Variants in AP3B1 observed in about 807,000 individuals in gnomAD.
AP3B1 encodes adaptor related protein complex 3 subunit beta 1.
Under a neutral mutation model 132.5 loss-of-function variants are expected in AP3B1, and 61 were observed. The ratio of observed to expected loss-of-function variants is 0.46; its 90% confidence interval spans 0.37 to 0.57. The LOEUF is 0.57. AP3B1 is among the 20% of genes least tolerant of loss of function. The pLI, the probability that AP3B1 is intolerant of heterozygous loss-of-function variation, is 0.00. For missense variants in AP3B1, 1,120 were observed against 1,289.4 expected (o/e 0.87, Z 2.01); for synonymous variants, 388 against 438.3 (o/e 0.89, Z 1.43).
intron 3 of AP3B1, among the ~76,000 whole-genome samples, chr5:78,240,391 C>T (rs755558443): frequency 1.7e-4 from 26 of 152,058 alleles, no homozygotes; most frequent in Non-Finnish European, 3.2e-4. Flanking sequence ...CGTGTTCATT[C>T]AATAAATCCA....
intron 21 of AP3B1, among the ~76,000 whole-genome samples, chr5:78,097,568 C>T (rs1580343439): frequency 7.7e-6 from 1 of 129,052 alleles, no homozygotes; most frequent in Non-Finnish European, 1.7e-5. Context: ...AGGGGGTCAG[C>T]CCCCCGCCCG....
chr5:78,228,297 G>A (rs1746485900), intron 3 of AP3B1, 58 bp from the exon 4 acceptor site: 1 of 1,210,674 alleles, frequency 8.3e-7, no homozygotes, highest in Non-Finnish European at 1.2e-6. Context: ...CTCAGTATTT[G>A]CTATACCAAA....
intron 7 of AP3B1, among the ~76,000 whole-genome samples, chr5:78,200,527 T>C (rs1036523506): frequency 6.6e-6 from 1 of 151,984 alleles, no homozygotes; most frequent in African/African-American, 2.4e-5. Flanking sequence ...GGCATGGCAG[T>C]GTGTGCCTGT....
In AP3B1 at chr5:78,064,390, T is replaced by C. The variant is rs544335930; in HGVS notation, c.2577+25003A>G. On this transcript the variant is annotated intron_variant, in intron 22 of 26. Coordinates refer to ENST00000255194, the MANE Select transcript of AP3B1 (RefSeq NM_003664.5). Reference sequence around the variant, plus strand: ...TCTAATCTTGTATTATAAAGGCAGCTGCTTGCCTATCATTTGTACTTTCCT... The same window carrying C: ...TCTAATCTTGTATTATAAAGGCAGCCGCTTGCCTATCATTTGTACTTTCCT... Among the ~76,000 whole-genome samples, 13 of 152,328 alleles carry C rather than the reference T, an allele frequency of 8.5e-5. No homozygotes were observed. The South Asian group carries it at 2.7e-3, about 32-fold the overall frequency.
intron 2 of AP3B1, among the ~76,000 whole-genome samples, chr5:78,245,175 A>G (rs1009331955): frequency 6.6e-6 from 1 of 152,176 alleles, no homozygotes; most frequent in Non-Finnish European, 1.5e-5. Flanking sequence ...TGGTCTCCAC[A>G]CTATTTATTG....
At chr5:78,052,857 GATATGTTATACT>G (rs1429404583) in intron 22 of AP3B1, among the ~76,000 whole-genome samples, 2 of 152,090 alleles carry the variant, frequency 1.3e-5, no homozygotes, top group Non-Finnish European at 2.9e-5. Context: ...CATGAATACT[GATATGTTATACT>G]ATTCATACAT....
intron 7 of AP3B1, among the ~76,000 whole-genome samples, chr5:78,185,410 C>A (rs769662112): frequency 6.6e-6 from 1 of 151,900 alleles, no homozygotes; most frequent in Non-Finnish European, 1.5e-5. Context: ...AAAGGACATA[C>A]CTAAGAAAAC....
At chr5:78,193,284 T>G (rs1476038759) in intron 7 of AP3B1, among the ~76,000 whole-genome samples, 1 of 152,204 alleles carries the variant, frequency 6.6e-6, no homozygotes, top group African/African-American at 2.4e-5. Flanking sequence ...AATCAAAGTT[T>G]ATATCTGAGA....
At chr5:78,036,205 C>T (rs1747800952) in intron 23 of AP3B1, among the ~76,000 whole-genome samples, 1 of 152,138 alleles carries the variant, frequency 6.6e-6, no homozygotes, top group Non-Finnish European at 1.5e-5. Flanking sequence ...TTCTGGGGGA[C>T]AGTCCATGAT....
intron 1 of AP3B1, among the ~76,000 whole-genome samples, chr5:78,276,294 T>G (rs1016446745): frequency 6.6e-6 from 1 of 151,984 alleles, no homozygotes; most frequent in African/African-American, 2.4e-5. Context: ...TCTTGAACTT[T>G]TGAACTCAAG....
intron 11 of AP3B1, among the ~76,000 whole-genome samples, chr5:78,173,129 T>C (rs1743993995): frequency 6.6e-6 from 1 of 152,238 alleles, no homozygotes; most frequent in Admixed American, 6.5e-5. Context: ...TGAGAGTTTG[T>C]TGTGATTTCT....
intron 17 of AP3B1, among the ~76,000 whole-genome samples, chr5:78,123,145 T>C (rs990192682): frequency 6.6e-6 from 1 of 152,246 alleles, no homozygotes. Context: ...GCTAGCCAGA[T>C]GTAGAAAGCT....
intron 22 of AP3B1, among the ~76,000 whole-genome samples, chr5:78,053,347 T>C (rs757944920): frequency 4.3e-4 from 66 of 152,154 alleles, no homozygotes; most frequent in Non-Finnish European, 8.8e-4. Flanking sequence ...CAGCATTATA[T>C]ATTTATTGAA....
chr5:78,183,434 G>A (rs141874975), intron 7 of AP3B1, among the ~76,000 whole-genome samples: 65 of 152,216 alleles, frequency 4.3e-4, no homozygotes, highest in Non-Finnish European at 7.8e-4. Flanking sequence ...AATAAAAATA[G>A]ATAACTAGCA....
intron 1 of AP3B1, among the ~76,000 whole-genome samples, chr5:78,275,599 C>T (rs1170727841): frequency 2.0e-5 from 3 of 152,118 alleles, no homozygotes; most frequent in African/African-American, 7.2e-5. Context: ...CCTCAGCCTC[C>T]CAAGTAGCTG....
chr5:78,193,770 A>ATATATATATATTTTTT, intron 7 of AP3B1, among the ~76,000 whole-genome samples: 10 of 67,206 alleles, frequency 1.5e-4, no homozygotes, highest in African/African-American at 3.6e-4. Flanking sequence ...ATATATATAT[A>ATATATATATATTTTTT]TTTTTTTTTT....
chr5:78,160,233 T>A (rs771024949), intron 13 of AP3B1, among the ~76,000 whole-genome samples: 3 of 152,190 alleles, frequency 2.0e-5, no homozygotes, highest in Non-Finnish European at 4.4e-5. Context: ...CTCAACTGAT[T>A]TAAGTCTTCA....
intron 3 of AP3B1, among the ~76,000 whole-genome samples, chr5:78,239,423 A>T (rs1747019004): frequency 6.7e-6 from 1 of 149,614 alleles, no homozygotes; most frequent in Admixed American, 6.7e-5. Context: ...GTAAGCCACG[A>T]TCATGCCACT....
At chr5:78,240,805 AGTGTACG>A in intron 3 of AP3B1, 50 bp downstream of exon 3, 1 of 1,193,312 alleles carries the variant, frequency 8.4e-7, no homozygotes, top group Non-Finnish European at 1.3e-6. Flanking sequence ...CTACATAAAA[AGTGTACG>A]GTCCCATGAA....
Sources: allele counts gnomAD v4.1 joint callset (sites outside exome capture counted in the v4.1 genomes callset), GRCh38; gene constraint gnomAD v4.1.1; transcripts MANE v1.5; gene names NCBI Gene and HGNC (gene_info 2026-07-23, HGNC 2026-07-21).